The following STK39 variants were observed in gnomAD, a reference collection of about 807,000 sequenced individuals.
The protein encoded by STK39 is serine/threonine kinase 39, also known as STE20/SPS1-related proline-alanine-rich protein kinase.
STK39 carries 20 observed loss-of-function variants against 77.8 expected under a neutral mutation model. That is an observed-to-expected ratio of 0.26 (90% CI 0.18 to 0.37). The LOEUF is 0.37. STK39 is among the 10% of genes least tolerant of loss of function. The pLI, the probability that STK39 is intolerant of heterozygous loss-of-function variation, is 1.00. For missense variants in STK39, 479 were observed against 656.5 expected, an observed-to-expected ratio of 0.73 and a Z score of 2.95; for synonymous variants, 246 against 234.1, an observed-to-expected ratio of 1.05 and a Z score of -0.47.
At chr2:168,024,321 T>C (rs1346990847) in intron 14 of STK39, among the ~76,000 whole-genome samples, 1 of 152,174 alleles carries the variant, frequency 6.6e-6, no homozygotes, top group Non-Finnish European at 1.5e-5. Flanking sequence ...TGTAACCTGT[T>C]TCCTCAACTG....
Position 168,001,628 on chromosome 2 carries a change from G to A in STK39, c.1498+11006C>T, listed in dbSNP as rs1574381788. 2.0e-5 allele frequency among the ~76,000 whole-genome samples: 3 copies of A among 152,138 alleles called. No homozygotes were observed. In the South Asian group the frequency reaches 6.2e-4, roughly 32 times the overall value. On this transcript the variant is annotated intron_variant, in intron 16 of 17. Transcript: ENST00000355999. The stretch of plus-strand genomic sequence containing the variant: ...AGCCCACAATGAATAAAAAATATAT[G>A]GATTTAGTTTTCTTCCTTAACTTTC...
At chr2:168,009,744 T>C (rs947678299) in intron 16 of STK39, among the ~76,000 whole-genome samples, 2 of 152,202 alleles carry the variant, frequency 1.3e-5, no homozygotes, top group Non-Finnish European at 2.9e-5. Flanking sequence ...TGCCTGTTCT[T>C]ACTCCAACAC....
chr2:168,214,568 C>T (rs1002066954), intron 1 of STK39, among the ~76,000 whole-genome samples: 10 of 152,114 alleles, frequency 6.6e-5, no homozygotes, highest in African/African-American at 2.4e-4. Context: ...GGTTAAACAA[C>T]GTCGTGAATG....
At chr2:168,097,078 AC>A (rs769992300) in intron 10 of STK39, among the ~76,000 whole-genome samples, 6 of 152,318 alleles carry the variant, frequency 3.9e-5, no homozygotes, top group Non-Finnish European at 7.4e-5. Context: ...GTTGGCAAGT[AC>A]CACCAAGTAT....
chr2:168,194,396 G>A (rs1689418649), intron 1 of STK39, among the ~76,000 whole-genome samples: 1 of 151,902 alleles, frequency 6.6e-6, no homozygotes. Flanking sequence ...CTCCAGCCTG[G>A]GCAACAGAGC....
chr2:168,091,094 C>G (rs188374498), intron 10 of STK39, among the ~76,000 whole-genome samples: 2 of 151,942 alleles, frequency 1.3e-5, no homozygotes, highest in African/African-American at 4.8e-5. Context: ...ATTTCACTAT[C>G]ATGCTGTCTG....
intron 5 of STK39, among the ~76,000 whole-genome samples, chr2:168,157,206 C>T (rs368808221): frequency 2.0e-5 from 3 of 152,312 alleles, no homozygotes. Flanking sequence ...GATATTATCT[C>T]CCTCCCAGTA....
intron 16 of STK39, among the ~76,000 whole-genome samples, chr2:167,973,740 G>T (rs1683184151): frequency 6.6e-6 from 1 of 152,150 alleles, no homozygotes; most frequent in South Asian, 2.1e-4. Context: ...TTTAGAGGGT[G>T]AAAGGATTGT....
At chr2:168,000,415 G>A (rs1405700430) in intron 16 of STK39, among the ~76,000 whole-genome samples, 3 of 152,190 alleles carry the variant, frequency 2.0e-5, no homozygotes, top group African/African-American at 7.2e-5. Flanking sequence ...TACAGTGCCT[G>A]AGGCTGAGAA....
chr2:168,029,754 T>C (rs961949518), intron 14 of STK39, among the ~76,000 whole-genome samples: 2 of 152,216 alleles, frequency 1.3e-5, no homozygotes, highest in African/African-American at 4.8e-5. Flanking sequence ...TGATTAGACA[T>C]AGATCTTTCC....
At chr2:168,134,244 A>C (rs999931842) in intron 8 of STK39, among the ~76,000 whole-genome samples, 4 of 152,214 alleles carry the variant, frequency 2.6e-5, no homozygotes, top group Admixed American at 1.3e-4. Context: ...TCTGCAAGTA[A>C]CAACATTCTC....
chr2:168,179,459 C>T (rs1043422629), intron 2 of STK39, among the ~76,000 whole-genome samples: 7 of 151,940 alleles, frequency 4.6e-5, no homozygotes, highest in African/African-American at 1.7e-4. Flanking sequence ...CCATTTCCCC[C>T]CTCTCTAAAT....
chr2:168,155,244 T>C (rs927251481), intron 5 of STK39, among the ~76,000 whole-genome samples: 2 of 152,204 alleles, frequency 1.3e-5, no homozygotes, highest in Non-Finnish European at 2.9e-5. Context: ...AAACAACTGC[T>C]AGCAGCTGTT....
intron 15 of STK39, among the ~76,000 whole-genome samples, chr2:168,014,221 A>G (rs1684348798): frequency 6.6e-6 from 1 of 152,208 alleles, no homozygotes; most frequent in African/African-American, 2.4e-5. Flanking sequence ...GCAATGGCTC[A>G]TATCTGTAAT....
intron 10 of STK39, among the ~76,000 whole-genome samples, chr2:168,113,285 G>A (rs1040574617): frequency 2.0e-5 from 3 of 152,172 alleles, no homozygotes; most frequent in African/African-American, 7.2e-5. Flanking sequence ...TAAAGTCAGA[G>A]CTCTCTGGAG....
intron 1 of STK39, among the ~76,000 whole-genome samples, chr2:168,229,217 C>G (rs999816711): frequency 6.6e-6 from 1 of 151,992 alleles, no homozygotes; most frequent in African/African-American, 2.4e-5. Context: ...AAACCCATCT[C>G]TACTAAAAAT....
At chr2:168,109,976 A>G (rs1170337950) in intron 10 of STK39, among the ~76,000 whole-genome samples, 1 of 152,092 alleles carries the variant, frequency 6.6e-6, no homozygotes, top group African/African-American at 2.4e-5. Context: ...GTCTTTTCCC[A>G]GTTTGAGGTT....
At chr2:168,137,064 T>A (rs1454577068) in intron 8 of STK39, among the ~76,000 whole-genome samples, 1 of 152,240 alleles carries the variant, frequency 6.6e-6, no homozygotes, top group Admixed American at 6.5e-5. Flanking sequence ...GGTACAATTA[T>A]GGAAACTGTG....
chr2:168,001,928 C>T (rs764518759), intron 16 of STK39, among the ~76,000 whole-genome samples: 3 of 152,220 alleles, frequency 2.0e-5, no homozygotes, highest in African/African-American at 4.8e-5. Context: ...TTTACTTCCA[C>T]TAGAAATATA....
Sources: gnomAD v4.1 joint callset for allele counts (sites outside exome capture counted in the v4.1 genomes callset) on GRCh38, gnomAD v4.1.1 for gene constraint, MANE v1.5 for transcripts, NCBI Gene and HGNC (gene_info 2026-07-23, HGNC 2026-07-21) for gene names.